PARM1: variants seen among roughly 807,000 people sequenced by gnomAD.
PARM1 encodes the protein WSC4, cell wall integrity and stress response component 4 homolog.
PARM1 carries 14 observed loss-of-function variants against 24.6 expected under a neutral mutation model. The ratio of observed to expected loss-of-function variants is 0.57; its 90% CI spans 0.38 to 0.89. The LOEUF (loss-of-function observed/expected upper bound fraction) is 0.89. Ranked by LOEUF, PARM1 falls within the 40% of genes least tolerant of loss-of-function variation. The pLI is 0.00. For synonymous variants in PARM1, 179 were observed against 156.6 expected (o/e 1.14, Z -1.07); for missense variants, 362 against 380.4 (o/e 0.95, Z 0.40).
At chr4:75,041,485 G>A (rs2109814998) in intron 3 of PARM1, among the ~76,000 whole-genome samples, 1 of 152,226 alleles carries the variant, frequency 6.6e-6, no homozygotes, top group African/African-American at 2.4e-5. Context: ...GGGCTTTGTG[G>A]GGCATAGTCA....
intron 1 of PARM1, among the ~76,000 whole-genome samples, chr4:74,964,521 A>G (rs1260320443): frequency 1.3e-5 from 2 of 151,610 alleles, no homozygotes; most frequent in Admixed American, 6.6e-5. Context: ...CTACTCTTAA[A>G]AAGTAAATCA....
chr4:75,014,348 A>G (rs1722936459), intron 2 of PARM1, among the ~76,000 whole-genome samples: 1 of 152,192 alleles, frequency 6.6e-6, no homozygotes, highest in African/African-American at 2.4e-5. Flanking sequence ...TGAGGATATC[A>G]ACAAGAAAAA....
At chr4:75,040,912 G>A (rs543173557) in intron 3 of PARM1, among the ~76,000 whole-genome samples, 1 of 152,200 alleles carries the variant, frequency 6.6e-6, no homozygotes, top group South Asian at 2.1e-4. Context: ...TCTCCTCTAT[G>A]TGTCTGCTCA....
At chr4:74,991,213 T>A (rs1722460567) in intron 1 of PARM1, among the ~76,000 whole-genome samples, 1 of 152,092 alleles carries the variant, frequency 6.6e-6, no homozygotes, top group Admixed American at 6.6e-5. Context: ...CCTCTGAACA[T>A]GATGGAGTAA....
At chr4:75,004,775 G>A (rs945208385) in intron 1 of PARM1, among the ~76,000 whole-genome samples, 2 of 152,208 alleles carry the variant, frequency 1.3e-5, no homozygotes, top group Non-Finnish European at 2.9e-5. Flanking sequence ...GAATGTACTA[G>A]AAAAGATAGA....
intron 3 of PARM1, among the ~76,000 whole-genome samples, chr4:75,034,485 T>C (rs1165530333): frequency 1.3e-5 from 2 of 152,256 alleles, no homozygotes; most frequent in East Asian, 3.8e-4. Context: ...CCTGAGATTA[T>C]GTCTTTATAT....
At chr4:75,024,348 C>T (rs1486905884) in intron 2 of PARM1, among the ~76,000 whole-genome samples, 1 of 152,070 alleles carries the variant, frequency 6.6e-6, no homozygotes, top group African/African-American at 2.4e-5. Flanking sequence ...TAGGAGGTCC[C>T]TGAGTCCTTG....
intron 2 of PARM1, 150 bp downstream of exon 2, chr4:75,013,300 T>G: frequency 1.2e-6 from 1 of 857,250 alleles, no homozygotes; most frequent in Non-Finnish European, 1.8e-6. Flanking sequence ...GAGTGCAAAC[T>G]TTATTTTTAG....
At chr4:75,033,629 C>T (rs1723312508) in intron 2 of PARM1, among the ~76,000 whole-genome samples, 2 of 152,128 alleles carry the variant, frequency 1.3e-5, no homozygotes, top group African/African-American at 4.8e-5. Flanking sequence ...CTCTAAATTC[C>T]AGGCCAGCCA....
chr4:74,954,966 G>A (rs990669545), intron 1 of PARM1, among the ~76,000 whole-genome samples: 1 of 152,108 alleles, frequency 6.6e-6, no homozygotes, highest in Admixed American at 6.5e-5. Flanking sequence ...TAAGAATTTA[G>A]GCTTAAGCCA....
chr4:75,037,187 C>A (rs1723387891), intron 3 of PARM1, among the ~76,000 whole-genome samples: 1 of 152,192 alleles, frequency 6.6e-6, no homozygotes, highest in Non-Finnish European at 1.5e-5. Context: ...ACTCTTCTTT[C>A]TTCATCCCAG....
At chr4:74,971,659 C>T (rs1048047086) in intron 1 of PARM1, among the ~76,000 whole-genome samples, 1 of 152,122 alleles carries the variant, frequency 6.6e-6, no homozygotes, top group African/African-American at 2.4e-5. Flanking sequence ...GAAAATAAAG[C>T]ATGAGGGTGA....
rs1440203353 is a variant in PARM1 at position 75,033,918 on chromosome 4, G to T, written c.805G>T (p.Val269Leu). 9.3e-6 allele frequency: 15 copies of T among 1,604,308 alleles called. No individual in the cohort carries two copies. In the South Asian group the frequency reaches 1.4e-4, roughly 14 times the overall value. Residue 269 changes from valine (V) to leucine (L), a missense_variant, in exon 3 of 4, where the codon GTG (valine) becomes TTG (leucine). Val to Leu is a conservative substitution (Grantham distance 32, BLOSUM62 1). Coordinates refer to ENST00000307428, the MANE Select transcript of PARM1 (RefSeq NM_015393.4). ...CGCCATTACCGTGACAGTCATTGCC[G>T]TGGTGCTGCTGGTGTTTGGAGTTGC... ...IAAITVTVIA[V>L]VLLVFGVAAY...
At chr4:74,951,627 C>T (rs1223463348) in intron 1 of PARM1, among the ~76,000 whole-genome samples, 1 of 152,154 alleles carries the variant, frequency 6.6e-6, no homozygotes, top group East Asian at 1.9e-4. Flanking sequence ...TGATGTTCCC[C>T]TCTCTGTGTC....
chr4:75,008,690 T>C (rs191879217), intron 1 of PARM1, among the ~76,000 whole-genome samples: 4 of 152,352 alleles, frequency 2.6e-5, no homozygotes, highest in Admixed American at 2.6e-4. Flanking sequence ...TTTACTTTTA[T>C]ATAGCACTTA....
At chr4:74,982,298 C>T (rs983685538) in intron 1 of PARM1, among the ~76,000 whole-genome samples, 3 of 151,870 alleles carry the variant, frequency 2.0e-5, no homozygotes, top group Non-Finnish European at 4.4e-5. Flanking sequence ...CTGTCAGGGT[C>T]GGGGGTGAAA....
intron 1 of PARM1, among the ~76,000 whole-genome samples, chr4:74,979,133 C>T (rs190090001): frequency 1.8e-4 from 27 of 151,094 alleles, no homozygotes; most frequent in Admixed American, 1.1e-3. Flanking sequence ...GAGATAGAGA[C>T]GCACACACAC....
chr4:74,989,480 G>A (rs976276797), intron 1 of PARM1, among the ~76,000 whole-genome samples: 7 of 152,222 alleles, frequency 4.6e-5, no homozygotes, highest in African/African-American at 1.7e-4. Context: ...GGCAAGGTAT[G>A]TAGGAAGGGA....
Position 74,978,550 on chromosome 4 carries a change from A to G in PARM1, c.44-33875A>G, listed in dbSNP as rs144198189. 5.6e-4 allele frequency among the ~76,000 whole-genome samples: 86 copies of G among 152,300 alleles called. No individual in the cohort carries two copies. The East Asian group carries it at 0.016, about 28-fold the overall frequency. On this transcript the variant is annotated intron_variant, in intron 1 of 3. Coordinates refer to ENST00000307428, the MANE Select transcript of PARM1 (RefSeq NM_015393.4). ...CCCTACTGTCATTATGAGATAGATC[A>G]TCAAGATAGAAAATTAACAAAGATA... is the stretch of plus-strand genomic sequence containing the variant.
Sources: allele counts gnomAD v4.1 joint callset (sites outside exome capture counted in the v4.1 genomes callset), GRCh38; gene constraint gnomAD v4.1.1; transcripts MANE v1.5; gene names NCBI Gene and HGNC (gene_info 2026-07-23, HGNC 2026-07-21).